Variants in LRRTM4 observed in about 807,000 individuals in gnomAD.
The protein encoded by LRRTM4 is leucine rich repeat transmembrane neuronal 4.
Under a neutral mutation model 47.6 loss-of-function variants are expected in LRRTM4, and 25 were observed. The observed-to-expected ratio is 0.53, with a 90% CI of 0.38 to 0.73. LRRTM4 has a LOEUF of 0.73. Among genes scored for constraint, LRRTM4 ranks in the 30% least tolerant of loss-of-function variants. LRRTM4 has a pLI of 0.00. For synonymous variants in LRRTM4, 311 were observed against 269.5 expected (o/e 1.15, Z -1.51); for missense variants, 638 against 713.4 (o/e 0.89, Z 1.20).
intron 3 of LRRTM4, among the ~76,000 whole-genome samples, chr2:77,165,229 C>G (rs1368152690): frequency 6.6e-6 from 1 of 152,088 alleles, no homozygotes; most frequent in Non-Finnish European, 1.5e-5. Context: ...TGGATAAATT[C>G]CTGGACACAC....
At chr2:77,132,304 T>G (rs557088707) in intron 3 of LRRTM4, among the ~76,000 whole-genome samples, 18 of 152,304 alleles carry the variant, frequency 1.2e-4, no homozygotes, top group Non-Finnish European at 2.6e-4. Flanking sequence ...CCATTCATGT[T>G]GCTGCAAATG....
chr2:76,787,788 C>G (rs6728664), intron 3 of LRRTM4, among the ~76,000 whole-genome samples: 89,603 of 151,680 alleles, frequency 0.59, 26,653 homozygotes, highest in Admixed American at 0.66. Flanking sequence ...TAGAGGTTCA[C>G]TTGATTTTCT....
intron 3 of LRRTM4, among the ~76,000 whole-genome samples, chr2:76,885,692 C>T (rs538100458): frequency 6.6e-6 from 1 of 152,140 alleles, no homozygotes; most frequent in East Asian, 1.9e-4. Flanking sequence ...GTCTCAATCT[C>T]CTGACGTCGT....
intron 3 of LRRTM4, among the ~76,000 whole-genome samples, chr2:77,168,716 C>T (rs970667855): frequency 1.3e-5 from 2 of 152,078 alleles, no homozygotes; most frequent in Admixed American, 6.6e-5. Context: ...TCCTTCCCAC[C>T]TTTTGAAAAG....
chr2:77,164,401 C>G (rs1196856657), intron 3 of LRRTM4, among the ~76,000 whole-genome samples: 1 of 152,042 alleles, frequency 6.6e-6, no homozygotes, highest in Non-Finnish European at 1.5e-5. Context: ...GACAGATCAA[C>G]AGACAGAAAG....
chr2:77,203,625 A>T (rs886690148), intron 3 of LRRTM4, among the ~76,000 whole-genome samples: 10 of 152,228 alleles, frequency 6.6e-5, no homozygotes, highest in Non-Finnish European at 1.3e-4. Flanking sequence ...ATGTGGGTTT[A>T]GCAAATACAA....
chr2:77,040,621 A>T (rs2104173843), intron 3 of LRRTM4, among the ~76,000 whole-genome samples: 1 of 151,492 alleles, frequency 6.6e-6, no homozygotes, highest in Middle Eastern at 3.4e-3. Context: ...TCAAACACAG[A>T]GCCATATACA....
intron 3 of LRRTM4, among the ~76,000 whole-genome samples, chr2:76,875,899 T>C (rs899256811): frequency 6.6e-6 from 1 of 152,124 alleles, no homozygotes; most frequent in African/African-American, 2.4e-5. Flanking sequence ...AGTTTCCCTA[T>C]AAAAATGTGT....
At chr2:76,792,696 A>C (rs895795644) in intron 3 of LRRTM4, among the ~76,000 whole-genome samples, 1 of 152,062 alleles carries the variant, frequency 6.6e-6, no homozygotes, top group South Asian at 2.1e-4. Flanking sequence ...ATAGACTTGT[A>C]GAATTCTTTG....
intron 3 of LRRTM4, among the ~76,000 whole-genome samples, chr2:77,350,319 CA>C (rs1368689018): frequency 5.7e-5 from 5 of 87,204 alleles, no homozygotes; most frequent in Non-Finnish European, 1.0e-4. Flanking sequence ...GGCGACAGAG[CA>C]AGACTCCGTC....
At chr2:76,855,694 G>A (rs1348718335) in intron 3 of LRRTM4, among the ~76,000 whole-genome samples, 2 of 152,110 alleles carry the variant, frequency 1.3e-5, no homozygotes, top group African/African-American at 4.8e-5. Context: ...GATGAGTCTA[G>A]AGAGTGGGTC....
intron 3 of LRRTM4, among the ~76,000 whole-genome samples, chr2:77,319,287 T>G (rs1206065604): frequency 6.6e-6 from 1 of 151,674 alleles, no homozygotes; most frequent in Non-Finnish European, 1.5e-5. Context: ...CTAGGGAGGT[T>G]GAGACAGGAG....
At chr2:77,145,157 A>T (rs1672221106) in intron 3 of LRRTM4, among the ~76,000 whole-genome samples, 1 of 151,934 alleles carries the variant, frequency 6.6e-6, no homozygotes, top group Non-Finnish European at 1.5e-5. Flanking sequence ...ACATTTATAC[A>T]AGGAAAAACT....
intron 3 of LRRTM4, among the ~76,000 whole-genome samples, chr2:77,490,904 G>A (rs541298629): frequency 7.5e-4 from 114 of 152,102 alleles, no homozygotes; most frequent in African/African-American, 2.6e-3. Flanking sequence ...AGAAAAAAAA[G>A]CAAACTGAAA....
intron 3 of LRRTM4, among the ~76,000 whole-genome samples, chr2:77,165,647 G>T (rs936513569): frequency 2.0e-5 from 3 of 152,102 alleles, no homozygotes; most frequent in African/African-American, 4.8e-5. Context: ...ATGCAAGGCT[G>T]GTTGAACATA....
intron 3 of LRRTM4, among the ~76,000 whole-genome samples, chr2:77,507,479 C>T (rs953378819): frequency 1.3e-5 from 2 of 152,058 alleles, no homozygotes; most frequent in Non-Finnish European, 2.9e-5. Flanking sequence ...TTTAAATCAT[C>T]TCTTATCCTC....
At chr2:76,946,883 AAT>A (rs1675339461) in intron 3 of LRRTM4, among the ~76,000 whole-genome samples, 1 of 151,398 alleles carries the variant, frequency 6.6e-6, no homozygotes, top group African/African-American at 2.4e-5. Context: ...CATTATTTGA[AAT>A]ATGTCTGGTC....
At chr2:76,971,598 G>T (rs1035643551) in intron 3 of LRRTM4, among the ~76,000 whole-genome samples, 1 of 152,018 alleles carries the variant, frequency 6.6e-6, no homozygotes, top group Non-Finnish European at 1.5e-5. Flanking sequence ...ATATATATCT[G>T]GATGGTGTCT....
intron 3 of LRRTM4, among the ~76,000 whole-genome samples, chr2:77,469,544 G>A (rs935327084): frequency 3.9e-5 from 6 of 152,098 alleles, no homozygotes; most frequent in African/African-American, 1.4e-4. Context: ...ATGCAAATGA[G>A]AAAGCCAAAG....
Sources: allele counts gnomAD v4.1 joint callset (sites outside exome capture counted in the v4.1 genomes callset), GRCh38; gene constraint gnomAD v4.1.1; transcripts MANE v1.5; gene names NCBI Gene and HGNC (gene_info 2026-07-23, HGNC 2026-07-21).